Variants in LCLAT1 observed in about 807,000 individuals in gnomAD.
LCLAT1 encodes lysocardiolipin acyltransferase 1.
Under a neutral mutation model 30.7 loss-of-function variants are expected in LCLAT1, and 11 were observed. The observed-to-expected ratio is 0.36, with a 90% confidence interval of 0.23 to 0.59. The LOEUF is 0.59. Among genes scored for constraint, LCLAT1 ranks in the 20% least tolerant of loss-of-function variants. LCLAT1 has a pLI of 0.77. For synonymous variants in LCLAT1, 155 were observed against 151.3 expected, an observed-to-expected ratio of 1.02 and a Z score of -0.18; for missense variants, 402 against 458.6, an observed-to-expected ratio of 0.88 and a Z score of 1.13.
intron 4 of LCLAT1, among the ~76,000 whole-genome samples, chr2:30,565,104 ATTAG>A (rs1295703936): frequency 6.6e-6 from 1 of 152,130 alleles, no homozygotes; most frequent in Non-Finnish European, 1.5e-5. Context: ...GTATTGGCAT[ATTAG>A]TTAGGGTTCT....
chr2:30,599,723 CTTTG>C (rs751189665), intron 5 of LCLAT1, among the ~76,000 whole-genome samples: 1 of 151,960 alleles, frequency 6.6e-6, no homozygotes, highest in Non-Finnish European at 1.5e-5. Context: ...CTTTTTTGAT[CTTTG>C]TTGGTTTAAA....
At chr2:30,524,905 C>T (rs779688543) in intron 1 of LCLAT1, among the ~76,000 whole-genome samples, 4 of 151,902 alleles carry the variant, frequency 2.6e-5, no homozygotes, top group Admixed American at 6.6e-5. Context: ...AAGTGGGGAC[C>T]GTTGTACTCA....
At chr2:30,495,052 C>T (rs566166898) in intron 1 of LCLAT1, among the ~76,000 whole-genome samples, 1 of 150,230 alleles carries the variant, frequency 6.7e-6, no homozygotes, top group East Asian at 2.0e-4. Context: ...TTTGTCAGTT[C>T]CTATTATAAG....
chr2:30,495,657 A>G (rs1684072982), intron 1 of LCLAT1, among the ~76,000 whole-genome samples: 1 of 152,122 alleles, frequency 6.6e-6, no homozygotes, highest in Non-Finnish European at 1.5e-5. Flanking sequence ...CAATCTTCTC[A>G]TTTCATAGGT....
chr2:30,612,037 TTTTCTGTGAGGAAAAGAC>T (rs1232111479), intron 5 of LCLAT1, among the ~76,000 whole-genome samples: 6 of 152,312 alleles, frequency 3.9e-5, no homozygotes, highest in Admixed American at 3.3e-4. Flanking sequence ...TGAAGCTTTC[TTTTCTGTGAGGAAAAGAC>T]TTTCTGTGAG....
chr2:30,496,370 G>C (rs145913502), intron 1 of LCLAT1, among the ~76,000 whole-genome samples: 9 of 152,304 alleles, frequency 5.9e-5, no homozygotes, highest in Non-Finnish European at 1.2e-4. Flanking sequence ...TTTCGCCTCT[G>C]ATTCTGCCCT....
intron 1 of LCLAT1, among the ~76,000 whole-genome samples, chr2:30,462,994 C>T (rs2148276687): frequency 6.6e-6 from 1 of 152,154 alleles, no homozygotes; most frequent in South Asian, 2.1e-4. Flanking sequence ...CTCTCCTGAC[C>T]AGCTACTTGG....
At chr2:30,514,937 T>C (rs1021606307) in intron 1 of LCLAT1, among the ~76,000 whole-genome samples, 3 of 152,198 alleles carry the variant, frequency 2.0e-5, no homozygotes, top group African/African-American at 7.2e-5. Context: ...CTTAGATATT[T>C]TTCCTCCACC....
chr2:30,514,598 T>C (rs1685098844), intron 1 of LCLAT1, among the ~76,000 whole-genome samples: 2 of 152,126 alleles, frequency 1.3e-5, no homozygotes, highest in Non-Finnish European at 2.9e-5. Flanking sequence ...AGGTAGCCTA[T>C]ATTTAGAATT....
intron 1 of LCLAT1, among the ~76,000 whole-genome samples, chr2:30,497,388 A>G (rs979030058): frequency 2.0e-5 from 3 of 152,232 alleles, no homozygotes; most frequent in Non-Finnish European, 4.4e-5. Flanking sequence ...TCAGGATTCT[A>G]GGTATAATCA....
chr2:30,613,024 C>T (rs571981496), intron 5 of LCLAT1, among the ~76,000 whole-genome samples: 98 of 152,188 alleles, frequency 6.4e-4, no homozygotes, highest in African/African-American at 2.3e-3. Context: ...CAGGGCTCCC[C>T]TGAAAAGAGG....
At chr2:30,463,814 T>G (rs1682287994) in intron 1 of LCLAT1, among the ~76,000 whole-genome samples, 1 of 152,220 alleles carries the variant, frequency 6.6e-6, no homozygotes, top group Non-Finnish European at 1.5e-5. Context: ...GTGCTTCACT[T>G]TTTAAAAACT....
Position 30,640,793 on chromosome 2 carries a change from T to A in LCLAT1, c.*174T>A, listed in dbSNP as rs1669265240. 6.5e-6 allele frequency: 5 copies of A among 764,834 alleles called. No homozygotes were observed. Among genetic ancestry groups the A allele is most frequent in the Non-Finnish European group, 1.0e-5 (5 of 496,352 alleles). The allele number at this position is 764,834 out of a possible 1,614,324, so 47.4% of individuals were successfully genotyped here. On this transcript the variant is annotated 3_prime_UTR_variant, in exon 6 of 6. Transcript: ENST00000379509. Reference sequence around the variant, plus strand: ...GGAAAAATATTGCTACAATTTTTTTTAATCTCTGAATGTAATTTCGATACT... The same window carrying A: ...GGAAAAATATTGCTACAATTTTTTTAAATCTCTGAATGTAATTTCGATACT...
intron 5 of LCLAT1, among the ~76,000 whole-genome samples, chr2:30,581,335 T>G (rs1178355245): frequency 6.6e-6 from 1 of 152,224 alleles, no homozygotes; most frequent in Admixed American, 6.5e-5. Flanking sequence ...TTTCTTGATC[T>G]CTTCAGCTGG....
intron 1 of LCLAT1, among the ~76,000 whole-genome samples, chr2:30,517,737 G>A (rs1322205164): frequency 6.6e-6 from 1 of 152,156 alleles, no homozygotes; most frequent in Admixed American, 6.5e-5. Context: ...AAGAGGTAGA[G>A]AAACAAAGGG....
intron 1 of LCLAT1, among the ~76,000 whole-genome samples, chr2:30,475,834 A>G (rs2148299552): frequency 6.6e-6 from 1 of 152,364 alleles, no homozygotes; most frequent in Middle Eastern, 3.4e-3. Context: ...GAACATTCTA[A>G]TAATTAGAAC....
chr2:30,556,889 C>T (rs1169862576), intron 3 of LCLAT1, among the ~76,000 whole-genome samples: 2 of 151,950 alleles, frequency 1.3e-5, no homozygotes, highest in Non-Finnish European at 2.9e-5. Context: ...GGATTACAGG[C>T]GTGCCCCACC....
At chr2:30,491,802 T>C (rs1163148550) in intron 1 of LCLAT1, among the ~76,000 whole-genome samples, 1 of 152,218 alleles carries the variant, frequency 6.6e-6, no homozygotes, top group African/African-American at 2.4e-5. Flanking sequence ...TATATGTAGA[T>C]GGTGTAACTG....
intron 5 of LCLAT1, among the ~76,000 whole-genome samples, chr2:30,612,734 T>A (rs774291607): frequency 6.6e-6 from 1 of 152,132 alleles, no homozygotes; most frequent in Non-Finnish European, 1.5e-5. Context: ...CCAGCGACAG[T>A]CTCTCATAAT....
Sources: gnomAD v4.1 joint callset for allele counts (sites outside exome capture counted in the v4.1 genomes callset) on GRCh38, gnomAD v4.1.1 for gene constraint, MANE v1.5 for transcripts, NCBI Gene and HGNC (gene_info 2026-07-23, HGNC 2026-07-21) for gene names.